CACNA2D3: variants seen among roughly 807,000 people sequenced by gnomAD.
The protein encoded by CACNA2D3 is calcium voltage-gated channel auxiliary subunit alpha2delta 3, also known as voltage-dependent calcium channel subunit alpha-2/delta-3.
CACNA2D3 carries 60 observed loss-of-function variants against 160.6 expected under a neutral mutation model. The observed-to-expected ratio is 0.37, with a 90% CI of 0.30 to 0.46. The LOEUF (loss-of-function observed/expected upper bound fraction) is 0.46, where lower values mean the gene tolerates loss of function less well. Ranked by LOEUF, CACNA2D3 falls within the 20% of genes least tolerant of loss-of-function variation. The pLI, the probability that CACNA2D3 is intolerant of heterozygous loss-of-function variation, is 1.00. For missense variants in CACNA2D3, 1,205 were observed against 1,365.0 expected (o/e 0.88, Z 1.85); for synonymous variants, 558 against 492.9 (o/e 1.13, Z -1.75).
intron 5 of CACNA2D3, among the ~76,000 whole-genome samples, chr3:54,541,149 C>CAT (rs1701969394): frequency 6.6e-6 from 1 of 150,980 alleles, no homozygotes; most frequent in African/African-American, 2.4e-5. Context: ...TGGTGGCGGG[C>CAT]GCCTGTAGTC....
At chr3:54,154,769 G>A (rs542228038) in intron 2 of CACNA2D3, among the ~76,000 whole-genome samples, 67 of 151,982 alleles carry the variant, frequency 4.4e-4, no homozygotes, top group Admixed American at 2.0e-3. Context: ...AAAAATCCAC[G>A]ATCTTGTTGC....
chr3:54,681,329 G>A (rs1388096988), intron 11 of CACNA2D3, among the ~76,000 whole-genome samples: 1 of 133,078 alleles, frequency 7.5e-6, no homozygotes, highest in African/African-American at 2.9e-5. Context: ...TTGAGGTCAG[G>A]AGTTAAAGAC....
At chr3:54,157,712 A>G (rs1576966344) in intron 2 of CACNA2D3, among the ~76,000 whole-genome samples, 1 of 151,636 alleles carries the variant, frequency 6.6e-6, no homozygotes, top group Non-Finnish European at 1.5e-5. Context: ...GATCGCTTGA[A>G]CCCGGGAGGC....
At chr3:54,350,967 TG>T (rs1559457725) in intron 3 of CACNA2D3, among the ~76,000 whole-genome samples, 7 of 112,636 alleles carry the variant, frequency 6.2e-5, no homozygotes, top group East Asian at 2.3e-4. Context: ...ATCTTGAGTC[TG>T]TTTTTTTTTT....
intron 4 of CACNA2D3, among the ~76,000 whole-genome samples, chr3:54,501,471 A>G (rs1300891047): frequency 2.0e-5 from 3 of 151,198 alleles, no homozygotes; most frequent in East Asian, 1.9e-4. Context: ...CATTGGCACA[A>G]TCATGACTCA....
At chr3:54,821,556 G>T (rs2106722871) in intron 14 of CACNA2D3, among the ~76,000 whole-genome samples, 1 of 152,180 alleles carries the variant, frequency 6.6e-6, no homozygotes, top group East Asian at 1.9e-4. Context: ...ACGGCATCCT[G>T]AATCTATTTG....
At chr3:54,253,215 T>G (rs1702229959) in intron 2 of CACNA2D3, among the ~76,000 whole-genome samples, 1 of 151,500 alleles carries the variant, frequency 6.6e-6, no homozygotes, top group South Asian at 2.1e-4. Context: ...AGCAAGAGAG[T>G]ATGGGTGGGT....
At chr3:54,891,747 T>G (rs558625271) in intron 25 of CACNA2D3, among the ~76,000 whole-genome samples, 1 of 152,200 alleles carries the variant, frequency 6.6e-6, no homozygotes, top group African/African-American at 2.4e-5. Flanking sequence ...GTGCGGCTGC[T>G]GGGGGAGCCG....
intron 27 of CACNA2D3, among the ~76,000 whole-genome samples, chr3:54,909,948 A>G (rs960208822): frequency 2.0e-5 from 3 of 152,176 alleles, no homozygotes; most frequent in Non-Finnish European, 2.9e-5. Context: ...AGTCCAGTAC[A>G]TGGACTTTCT....
At chr3:54,712,276 G>A (rs558101508) in intron 11 of CACNA2D3, among the ~76,000 whole-genome samples, 1 of 152,320 alleles carries the variant, frequency 6.6e-6, no homozygotes, top group African/African-American at 2.4e-5. Context: ...GAGATCAGAT[G>A]AAGGTCTCAC....
chr3:54,295,359 A>C (rs1703316249), intron 2 of CACNA2D3, among the ~76,000 whole-genome samples: 1 of 152,156 alleles, frequency 6.6e-6, no homozygotes, highest in African/African-American at 2.4e-5. Flanking sequence ...GGTCTCAGTG[A>C]ATTTAGAAAG....
chr3:54,705,588 C>T (rs2106954670), intron 11 of CACNA2D3, among the ~76,000 whole-genome samples: 1 of 152,282 alleles, frequency 6.6e-6, no homozygotes, highest in South Asian at 2.1e-4. Context: ...AGACTTTCTT[C>T]TTATTGAGGT....
At chr3:54,296,937 G>C (rs775957709) in intron 2 of CACNA2D3, among the ~76,000 whole-genome samples, 3 of 152,172 alleles carry the variant, frequency 2.0e-5, no homozygotes, top group African/African-American at 7.2e-5. Context: ...TGAACTCAGC[G>C]TCTTTGGAGG....
intron 13 of CACNA2D3, among the ~76,000 whole-genome samples, chr3:54,811,647 T>C (rs991461869): frequency 1.3e-5 from 2 of 151,788 alleles, no homozygotes; most frequent in African/African-American, 4.8e-5. Context: ...ACAGGCACAC[T>C]CCACCATGCC....
chr3:54,828,027 G>A (rs1703782989), intron 14 of CACNA2D3, among the ~76,000 whole-genome samples: 1 of 152,178 alleles, frequency 6.6e-6, no homozygotes, highest in Non-Finnish European at 1.5e-5. Flanking sequence ...TTTGGTTGTA[G>A]AATAAAGATG....
At chr3:54,143,118 A>G (rs1699967588) in intron 2 of CACNA2D3, among the ~76,000 whole-genome samples, 3 of 152,258 alleles carry the variant, frequency 2.0e-5, no homozygotes, top group Non-Finnish European at 4.4e-5. Flanking sequence ...CACTGGTTAT[A>G]CCAGCAACAA....
chr3:55,000,175 C>G (rs1702949123), intron 31 of CACNA2D3, among the ~76,000 whole-genome samples: 2 of 152,188 alleles, frequency 1.3e-5, no homozygotes, highest in Admixed American at 1.3e-4. Flanking sequence ...CAAATGAAAG[C>G]AGGCAATTAT....
intron 4 of CACNA2D3, among the ~76,000 whole-genome samples, chr3:54,499,485 A>G (rs1328862547): frequency 6.6e-6 from 1 of 152,078 alleles, no homozygotes; most frequent in Admixed American, 6.5e-5. Context: ...CTAGTTTTCT[A>G]AAGTAGAAGC....
At chr3:54,169,908 C>T (rs567197892) in intron 2 of CACNA2D3, among the ~76,000 whole-genome samples, 8 of 152,022 alleles carry the variant, frequency 5.3e-5, no homozygotes, top group Non-Finnish European at 1.0e-4. Context: ...GGAGAAATGG[C>T]CGAGCGTGGT....
Sources: gnomAD v4.1 joint callset for allele counts (sites outside exome capture counted in the v4.1 genomes callset) on GRCh38, gnomAD v4.1.1 for gene constraint, MANE v1.5 for transcripts, NCBI Gene and HGNC (gene_info 2026-07-23, HGNC 2026-07-21) for gene names.